The following TENM1 variants were observed in gnomAD, a reference collection of about 807,000 sequenced individuals.
TENM1 encodes the protein teneurin-1.
In TENM1, 35 loss-of-function variants were observed where a neutral mutation model predicts 174.8. That is an observed-to-expected ratio of 0.20 (90% CI 0.15 to 0.27). The LOEUF (loss-of-function observed/expected upper bound fraction) is 0.27. Among genes scored for constraint, TENM1 ranks in the 10% least tolerant of loss-of-function variants. TENM1 has a pLI of 1.00. For synonymous variants in TENM1, 781 were observed against 798.7 expected, an observed-to-expected ratio of 0.98 and a Z score of 0.37; for missense variants, 1,633 against 2,130.1, an observed-to-expected ratio of 0.77 and a Z score of 4.59.
At chrX:125,128,383 C>G in the TENM1 span, among the ~76,000 whole-genome samples, 1 of 111,537 alleles carries the variant, frequency 9.0e-6, no homozygotes. Flanking sequence ...ATGATGGTAC[C>G]TACCGATTTA....
chrX:124,856,612 A>G (rs749797291), intron 3 of TENM1, among the ~76,000 whole-genome samples: 2 of 111,391 alleles, frequency 1.8e-5, no homozygotes, highest in Non-Finnish European at 3.8e-5. Context: ...GTAGGTTAAG[A>G]ATGGAGGTGT....
At chrX:124,641,340 G>A (rs1331576045) in intron 11 of TENM1, among the ~76,000 whole-genome samples, 1 of 112,022 alleles carries the variant, frequency 8.9e-6, no homozygotes, top group East Asian at 2.8e-4. Flanking sequence ...AAGCAATGTT[G>A]TAGGAATAGC....
chrX:125,076,669 G>A, the TENM1 span, among the ~76,000 whole-genome samples: 2,673 of 111,245 alleles, frequency 0.024, 69 homozygotes, highest in African/African-American at 0.078. Context: ...TGCCACTCTT[G>A]AATCATCTTC....
chrX:125,060,506 A>C, the TENM1 span, among the ~76,000 whole-genome samples: 2 of 110,847 alleles, frequency 1.8e-5, no homozygotes, highest in African/African-American at 3.3e-5. Flanking sequence ...CACTTGAGAC[A>C]TAAGATAAAA....
chrX:124,653,752 T>C (rs1189885269), exon 7 of TENM1: 23 of 1,209,493 alleles, frequency 1.9e-5, no homozygotes, highest in Non-Finnish European at 2.6e-5. Context: ...TGTCAACTTC[T>C]CCAGTGTCTA....
intron 5 of TENM1, among the ~76,000 whole-genome samples, chrX:124,682,972 A>G (rs774035417): frequency 1.8e-5 from 2 of 111,837 alleles, no homozygotes; most frequent in Admixed American, 9.5e-5. Flanking sequence ...TTCATTTCCT[A>G]GTTGTGACAA....
chrX:125,135,901 G>C, the TENM1 span, among the ~76,000 whole-genome samples: 1 of 111,620 alleles, frequency 9.0e-6, no homozygotes, highest in African/African-American at 3.3e-5. Context: ...TGAATTCTTT[G>C]TTGGACTATG....
chrX:124,618,663 C>A (rs191021674), intron 11 of TENM1, among the ~76,000 whole-genome samples: 1 of 112,215 alleles, frequency 8.9e-6, no homozygotes, highest in East Asian at 2.8e-4. Flanking sequence ...TCTGGCCACT[C>A]TTTTTCCTTG....
intron 3 of TENM1, among the ~76,000 whole-genome samples, chrX:124,756,465 C>T (rs1490355180): frequency 2.8e-5 from 3 of 109,039 alleles, no homozygotes; most frequent in Non-Finnish European, 3.8e-5. Context: ...GTAGTTTGAT[C>T]GTCTGAAGCC....
At chrX:124,446,610 C>T (rs187726254) in intron 23 of TENM1, among the ~76,000 whole-genome samples, 1 of 112,575 alleles carries the variant, frequency 8.9e-6, no homozygotes, top group African/African-American at 3.2e-5. Context: ...TTTCTAACCT[C>T]CATAGGTACT....
chrX:124,606,858 G>C (rs1292897430), intron 11 of TENM1, among the ~76,000 whole-genome samples: 2 of 111,335 alleles, frequency 1.8e-5, no homozygotes, highest in Non-Finnish European at 1.9e-5. Context: ...TTCACGTTAT[G>C]ATTAAAAGAG....
rs1264790272 is a variant in TENM1 at position 124,769,850 on chromosome X, T to C, written c.536-32653A>G. Among the ~76,000 whole-genome samples the C allele has an allele frequency of 2.7e-5, 3 of 111,985 alleles. No individual in the cohort carries two copies. The East Asian group carries it at 8.4e-4, about 31-fold the overall frequency. ...AAGCAGAAGAACTCTAGAGTACCAATAAATATTCTTATCAATCAGACACAA... is the reference window on the plus strand; with the variant it reads ...AAGCAGAAGAACTCTAGAGTACCAACAAATATTCTTATCAATCAGACACAA... On this transcript the variant is annotated intron_variant, in intron 3 of 31. Transcript: ENST00000422452.
At chrX:125,077,107 A>T in the TENM1 span, among the ~76,000 whole-genome samples, 3 of 111,622 alleles carry the variant, frequency 2.7e-5, no homozygotes, top group Non-Finnish European at 3.8e-5. Flanking sequence ...TTAACTGATT[A>T]AAAAAAGAGC....
At chrX:125,064,216 G>A in the TENM1 span, among the ~76,000 whole-genome samples, 7 of 110,335 alleles carry the variant, frequency 6.3e-5, no homozygotes, top group Non-Finnish European at 1.1e-4. Flanking sequence ...GTTAAATGAC[G>A]AGTTAATGGG....
chrX:125,109,954 T>A, the TENM1 span, among the ~76,000 whole-genome samples: 3 of 111,405 alleles, frequency 2.7e-5, no homozygotes, highest in Non-Finnish European at 3.8e-5. Context: ...CAAAAGGTGT[T>A]TTAAGCGATT....
intron 30 of TENM1, 26 bp downstream of exon 33, chrX:124,383,608 C>T (rs2060186159): frequency 8.5e-7 from 1 of 1,171,614 alleles, no homozygotes; most frequent in African/African-American, 1.8e-5. Flanking sequence ...TCAAGTTTAG[C>T]TTAAAGTTTT....
At chrX:124,392,006 T>G in intron 28 of TENM1, 46 bp downstream of exon 31, 1 of 1,091,363 alleles carries the variant, frequency 9.2e-7, no homozygotes, top group South Asian at 2.1e-5. Context: ...TTTTCGATAG[T>G]CTCATTCAGA....
rs190861197 is a variant in TENM1 at position 124,519,342 on chromosome X, A to G, written c.3301+1175T>C. Among the ~76,000 whole-genome samples the G allele has an allele frequency of 1.1e-4, 12 of 111,397 alleles. No homozygotes were observed. The East Asian group carries it at 3.1e-3, about 29-fold the overall frequency. ...TGCATTCCAGTAAAGTCCAACACAA[A>G]TGAGTTAATTATTTAAATATATGAG... On this transcript the variant is annotated intron_variant, in intron 18 of 31. Transcript: ENST00000422452.
chrX:124,838,190 C>A (rs768734002), intron 3 of TENM1, among the ~76,000 whole-genome samples: 8 of 112,201 alleles, frequency 7.1e-5, no homozygotes, highest in South Asian at 7.4e-4. Context: ...TGTCCCACAT[C>A]AGTATGATCC....
Sources: gnomAD v4.1 joint callset for allele counts (sites outside exome capture counted in the v4.1 genomes callset) on GRCh38, gnomAD v4.1.1 for gene constraint, MANE v1.5 for transcripts, NCBI Gene and HGNC (gene_info 2026-07-23, HGNC 2026-07-21) for gene names.